Variants in PSEN2 observed in about 807,000 individuals in gnomAD.
PSEN2 encodes the protein presenilin-2.
PSEN2 carries 32 observed loss-of-function variants against 49.1 expected under a neutral mutation model. The observed-to-expected ratio is 0.65, with a 90% CI of 0.49 to 0.88. The LOEUF is 0.88. Among genes scored for constraint, PSEN2 ranks in the 40% least tolerant of loss-of-function variants. The pLI is 0.00. For missense variants in PSEN2, 522 were observed against 586.9 expected, an observed-to-expected ratio of 0.89 and a Z score of 1.14; for synonymous variants, 255 against 244.0, an observed-to-expected ratio of 1.05 and a Z score of -0.42.
rs1480078231 is a variant in PSEN2, at chr1:226,875,066, T to G, written c.-206-299T>G. On this transcript the variant is annotated intron_variant, in intron 2 of 12. Transcript: ENST00000366783. Reference sequence around the variant, plus strand: ...CTGAGTGGGACAGGGCTGTTAGAGGTAAGTCTAGAGCCTGGCCCAAAATTC... The same window carrying G: ...CTGAGTGGGACAGGGCTGTTAGAGGGAAGTCTAGAGCCTGGCCCAAAATTC... Among the ~76,000 whole-genome samples, 3 of 151,800 alleles carry G rather than the reference T, an allele frequency of 2.0e-5. No individual in the cohort carries two copies. In the East Asian group the frequency reaches 5.8e-4, roughly 29 times the overall value.
intron 2 of PSEN2, 83 bp downstream of exon 2, chr1:226,871,487 C>T (rs527809286): frequency 6.6e-6 from 1 of 152,368 alleles, no homozygotes; most frequent in South Asian, 2.1e-4. Flanking sequence ...GACCTCACCC[C>T]TGTTTATTGC....
intron 3 of PSEN2, among the ~76,000 whole-genome samples, chr1:226,878,881 T>C (rs115304948): frequency 0.024 from 3,619 of 152,270 alleles, 55 homozygotes; most frequent in African/African-American, 0.031. Context: ...AGCAACTCTT[T>C]GTTGTGGTGC....
chr1:226,878,463 C>G (rs1204367220), intron 3 of PSEN2, among the ~76,000 whole-genome samples: 1 of 152,188 alleles, frequency 6.6e-6, no homozygotes, highest in African/African-American at 2.4e-5. Context: ...TCTTCACCCA[C>G]CCATCAGCTC....
At position 226,895,567 on chromosome 1, in the gene PSEN2, G is replaced by A. The variant is rs1483469586; in HGVS notation, c.1335G>A (p.Gln445=). The A allele has an allele frequency of 3.1e-6, 5 of 1,612,192 alleles. No homozygotes were observed. In the African/African-American group the frequency reaches 6.7e-5, roughly 22 times the overall value. Residue 445 remains glutamine (Q), a synonymous_variant, in exon 13 of 13, where the codon CAG becomes CAA. Coordinates refer to ENST00000366783, the MANE Select transcript of PSEN2 (RefSeq NM_000447.3). ...TCATGGACACCCTGGCCTCCCATCA[G>A]CTCTACATCTGAGGGACATGGTGTG... is the stretch of plus-strand genomic sequence containing the variant. ...RPFMDTLASH[Q]LYI
At chr1:226,881,261 C>T (rs530272850) in intron 3 of PSEN2, among the ~76,000 whole-genome samples, 1 of 152,288 alleles carries the variant, frequency 6.6e-6, no homozygotes, top group South Asian at 2.1e-4. Context: ...TGTGTGTCTC[C>T]TTAACATGGT....
At chr1:226,872,814 C>T (rs879362821) in intron 2 of PSEN2, among the ~76,000 whole-genome samples, 4 of 152,212 alleles carry the variant, frequency 2.6e-5, no homozygotes, top group African/African-American at 4.8e-5. Flanking sequence ...TGAGAGGCCC[C>T]GAGAGGAACA....
intron 8 of PSEN2, 87 bp downstream of exon 8, chr1:226,889,136 T>C (rs1046801102): frequency 2.4e-6 from 3 of 1,257,112 alleles, no homozygotes; most frequent in Non-Finnish European, 3.4e-6. Flanking sequence ...GGGCAGGTGC[T>C]GAAGGGCTTG....
chr1:226,890,131 CAT>C lies in PSEN2; in HGVS notation c.885_886del (p.Ser296CysfsTer33). The stretch of plus-strand genomic sequence containing the variant: ...CCCATATTCCCTGCCCTGATATACT[CAT>C]GTGAGTGAGCCCCCCGTGCCTCTGC... On this transcript the variant is annotated frameshift_variant and splice_region_variant, in exon 9 of 13. Coordinates refer to ENST00000366783, the MANE Select transcript of PSEN2 (RefSeq NM_000447.3). LOFTEE classifies it high-confidence loss of function. 1 of 1,611,078 alleles carries C rather than the reference CAT, an allele frequency of 6.2e-7. No individual in the cohort carries two copies. The highest frequency in any genetic ancestry group is 8.5e-7 in the Non-Finnish European group (1 of 1,177,224).
downstream of PSEN2, chr1:226,896,154 C>G (rs983930580): frequency 6.1e-6 from 1 of 163,382 alleles, no homozygotes; most frequent in African/African-American, 2.4e-5. Flanking sequence ...CTTGGGCACC[C>G]CTGGGATAAC....
At chr1:226,891,182 C>A in intron 9 of PSEN2, 96 bp from the exon 10 acceptor site, 1 of 1,051,288 alleles carries the variant, frequency 9.5e-7, no homozygotes, top group Non-Finnish European at 1.5e-6. Context: ...GGGTCCTGTG[C>A]AGGCTTTCTG....
At chr1:226,871,485 C>G (rs1303633441) in intron 2 of PSEN2, 81 bp downstream of exon 2, 1 of 152,208 alleles carries the variant, frequency 6.6e-6, no homozygotes, top group Non-Finnish European at 1.5e-5. Context: ...CAGACCTCAC[C>G]CCTGTTTATT....
chr1:226,891,329 G>T lies in PSEN2; in HGVS notation c.938G>T (p.Gly313Val), dbSNP rs1558151721. ...GCGAAGCTGGACCCCTCCTCTCAGG[G>T]TGCCCTCCAGCTCCCCTACGACCCG... ...GMAKLDPSSQ[G>V]ALQLPYDPEM... The change falls in exon 10 of 13, where the codon GGT (glycine) becomes GTT (valine). Residue 313 changes from glycine to valine, a missense_variant. By Grantham distance (109) the Gly-to-Val change is moderately radical. Coordinates refer to ENST00000366783, the MANE Select transcript of PSEN2 (RefSeq NM_000447.3). 6.2e-7 allele frequency: 1 copy of T among 1,613,856 alleles called. No homozygotes were observed. The highest frequency in any genetic ancestry group is 8.5e-7 in the Non-Finnish European group (1 of 1,179,928).
rs369274454 is a variant in PSEN2 at position 226,894,098 on chromosome 1, G to C, written c.1164G>C (p.Thr388=). The C allele has an allele frequency of 1.1e-5, 18 of 1,614,056 alleles. No homozygotes were observed. The highest frequency in any genetic ancestry group is 2.2e-5 in the South Asian group (2 of 91,076). ...CGGGCAGCGGGGACTGGAATACCACGCTGGCCTGCTTCGTGGCCATCCTCA... is the reference window on the plus strand; with the variant it reads ...CGGGCAGCGGGGACTGGAATACCACCCTGGCCTGCTTCGTGGCCATCCTCA... ...AATGSGDWNT[T]LACFVAILIG... The change falls in exon 12 of 13, where the codon ACG becomes ACC. Residue 388 remains threonine, a synonymous_variant. Coordinates refer to ENST00000366783, the MANE Select transcript of PSEN2 (RefSeq NM_000447.3).
chr1:226,885,412 C>T (rs1661290433), intron 5 of PSEN2, 126 bp from the exon 6 acceptor site: 1 of 1,073,460 alleles, frequency 9.3e-7, no homozygotes, highest in African/African-American at 1.6e-5. Context: ...CGCACTCCAT[C>T]AGGGCAGCAT....
intron 6 of PSEN2, 146 bp from the exon 7 acceptor site, chr1:226,887,945 A>T: frequency 1.4e-6 from 1 of 731,696 alleles, no homozygotes. Context: ...TTTATCTGTA[A>T]GGTGGCCACC....
chr1:226,883,753 G>A lies in PSEN2; in HGVS notation c.190G>A (p.Val64Ile), dbSNP rs1420351247. 1.2e-6 allele frequency: 2 copies of A among 1,614,192 alleles called. No homozygotes were observed. The highest frequency in any genetic ancestry group is 1.7e-6 in the Non-Finnish European group (2 of 1,180,048). The change falls in exon 5 of 13, where the codon GTC (valine) becomes ATC (isoleucine). Residue 64 changes from valine to isoleucine, a missense_variant. Coordinates refer to ENST00000366783, the MANE Select transcript of PSEN2 (RefSeq NM_000447.3). ...CGGTGAGGAGGACCCTGACCGCTAT[G>A]TCTGTAGTGGGGTTCCCGGGCGGCC... ...EDGEEDPDRY[V>I]CSGVPGRPPG...
Position 226,885,698 on chromosome 1 carries a change from C to G in PSEN2, c.498+19C>G. On this transcript the variant is annotated intron_variant, in intron 6 of 12. Coordinates refer to ENST00000366783, the MANE Select transcript of PSEN2 (RefSeq NM_000447.3). The stretch of plus-strand genomic sequence containing the variant: ...CTACAAGGTGAGGCCCTGGCCCTGC[C>G]CTCCAGCCACGCTTCTCTCCGTCTG... The G allele has an allele frequency of 6.2e-7, 1 of 1,604,184 alleles. No individual in the cohort carries two copies. Among genetic ancestry groups the G allele is most frequent in the Non-Finnish European group, 8.5e-7 (1 of 1,179,906 alleles).
intron 12 of PSEN2, among the ~76,000 whole-genome samples, chr1:226,895,166 G>A (rs1004328056): frequency 3.9e-5 from 6 of 152,180 alleles, no homozygotes; most frequent in African/African-American, 1.4e-4. Context: ...ACGGCCTCGG[G>A]GCACAGCACT....
In PSEN2 at chr1:226,891,291, G is replaced by A; in HGVS notation, c.900G>A (p.Trp300Ter). 1 of 1,613,952 alleles carries A rather than the reference G, an allele frequency of 6.2e-7. No individual in the cohort carries two copies. The highest frequency in any genetic ancestry group is 1.1e-5 in the South Asian group (1 of 91,002). Reference sequence around the variant, plus strand: ...CTCCTCCCCCAGCTGCCATGGTGTGGACGGTTGGCATGGCGAAGCTGGACC... The same window carrying A: ...CTCCTCCCCCAGCTGCCATGGTGTGAACGGTTGGCATGGCGAAGCTGGACC... ...PALIYSSAMV[W>*]TVGMAKLDPS... Residue 300 changes from tryptophan to a stop codon, truncating the protein, a stop_gained, in exon 10 of 13, where the codon TGG (tryptophan) becomes TGA (stop). Coordinates refer to ENST00000366783, the MANE Select transcript of PSEN2 (RefSeq NM_000447.3). LOFTEE classifies it high-confidence loss of function.
Sources: gnomAD v4.1 joint callset for allele counts (sites outside exome capture counted in the v4.1 genomes callset) on GRCh38, gnomAD v4.1.1 for gene constraint, MANE v1.5 for transcripts, NCBI Gene and HGNC (gene_info 2026-07-23, HGNC 2026-07-21) for gene names.